The following SIPA1L1 variants were observed in gnomAD, a reference collection of about 807,000 sequenced individuals.
SIPA1L1 encodes the protein signal-induced proliferation-associated 1-like protein 1.
A neutral mutation model predicts 162.7 loss-of-function variants in SIPA1L1; 26 were observed. The ratio of observed to expected loss-of-function variants is 0.16; its 90% CI spans 0.12 to 0.22. The LOEUF (loss-of-function observed/expected upper bound fraction) is 0.22. Ranked by LOEUF, SIPA1L1 falls within the 10% of genes least tolerant of loss-of-function variation. The pLI is 1.00. For synonymous variants in SIPA1L1, 829 were observed against 837.4 expected (o/e 0.99, Z 0.17); for missense variants, 1,874 against 2,241.0 (o/e 0.84, Z 3.31).
intron 17 of SIPA1L1, among the ~76,000 whole-genome samples, chr14:71,718,220 T>C (rs539088146): frequency 6.6e-6 from 1 of 152,212 alleles, no homozygotes; most frequent in Non-Finnish European, 1.5e-5. Flanking sequence ...ACAGGCCCAC[T>C]GAATTAGAGG....
chr14:71,375,135 C>G (rs7493151), intron 2 of SIPA1L1, among the ~76,000 whole-genome samples: 3 of 152,082 alleles, frequency 2.0e-5, no homozygotes, highest in African/African-American at 7.2e-5. Flanking sequence ...CTGTCTCTTT[C>G]GGGGTTCTGT....
chr14:71,735,695 G>A (rs2085223353), intron 22 of SIPA1L1: 1 of 258,882 alleles, frequency 3.9e-6, no homozygotes, highest in African/African-American at 2.2e-5. Context: ...AAGTATTCCT[G>A]TGCTCTGTGC....
chr14:71,524,773 G>C (rs899413972), intron 3 of SIPA1L1, among the ~76,000 whole-genome samples: 1 of 152,012 alleles, frequency 6.6e-6, no homozygotes, highest in Non-Finnish European at 1.5e-5. Flanking sequence ...GCTTGTCCTT[G>C]TACGTCACAC....
intron 2 of SIPA1L1, among the ~76,000 whole-genome samples, chr14:71,344,011 C>T (rs965745324): frequency 6.6e-6 from 1 of 152,128 alleles, no homozygotes; most frequent in Non-Finnish European, 1.5e-5. Flanking sequence ...TGCGTGTCCA[C>T]GGTTTAAGGT....
chr14:71,478,650 A>AATTGGTTAT (rs1212302141), intron 2 of SIPA1L1, among the ~76,000 whole-genome samples: 13 of 152,152 alleles, frequency 8.5e-5, no homozygotes, highest in Admixed American at 7.9e-4. Context: ...ACCAAGAATC[A>AATTGGTTAT]ATTGGTTATA....
chr14:71,618,294 C>T (rs1047847252), intron 5 of SIPA1L1, among the ~76,000 whole-genome samples: 4 of 152,220 alleles, frequency 2.6e-5, no homozygotes, highest in Admixed American at 1.3e-4. Context: ...ACTCGCAGCA[C>T]ACATCTCTCT....
At chr14:71,688,821 T>TA (rs1193013571) in intron 13 of SIPA1L1, among the ~76,000 whole-genome samples, 5 of 152,224 alleles carry the variant, frequency 3.3e-5, no homozygotes, top group Non-Finnish European at 7.3e-5. Flanking sequence ...TGGTGTGGCG[T>TA]AATATTGTGA....
chr14:71,367,481 G>T (rs1389350078), intron 2 of SIPA1L1, among the ~76,000 whole-genome samples: 3 of 150,574 alleles, frequency 2.0e-5, no homozygotes, highest in African/African-American at 7.3e-5. Context: ...TAATTTTTTT[G>T]TATTTTTTAC....
At chr14:71,409,518 A>AG (rs2042258915) in intron 2 of SIPA1L1, among the ~76,000 whole-genome samples, 1 of 152,208 alleles carries the variant, frequency 6.6e-6, no homozygotes, top group Non-Finnish European at 1.5e-5. Flanking sequence ...GGGAAGGGAA[A>AG]GGTGAAAACT....
intron 4 of SIPA1L1, among the ~76,000 whole-genome samples, chr14:71,541,821 C>G (rs898667824): frequency 5.3e-5 from 8 of 152,138 alleles, no homozygotes; most frequent in African/African-American, 1.9e-4. Flanking sequence ...ATGCATACAT[C>G]ATTCAAAACA....
chr14:71,527,298 C>A (rs1467859391), intron 3 of SIPA1L1, among the ~76,000 whole-genome samples: 5 of 152,118 alleles, frequency 3.3e-5, no homozygotes, highest in Non-Finnish European at 7.3e-5. Context: ...TAGGCGCACA[C>A]CACCATGCCT....
At chr14:71,558,004 A>C (rs1023515760) in intron 4 of SIPA1L1, among the ~76,000 whole-genome samples, 1 of 152,154 alleles carries the variant, frequency 6.6e-6, no homozygotes, top group Non-Finnish European at 1.5e-5. Flanking sequence ...TACACCAAAA[A>C]CTCACTTTTA....
chr14:71,632,128 G>A (rs778557819), intron 7 of SIPA1L1, among the ~76,000 whole-genome samples: 2 of 152,162 alleles, frequency 1.3e-5, no homozygotes, highest in Non-Finnish European at 2.9e-5. Context: ...ATTTCTCTGC[G>A]TTCTTCCTGC....
intron 2 of SIPA1L1, among the ~76,000 whole-genome samples, chr14:71,341,702 T>A (rs2035672332): frequency 6.6e-6 from 1 of 152,192 alleles, no homozygotes; most frequent in Non-Finnish European, 1.5e-5. Context: ...GCCATTCTTA[T>A]GTCCGTGAGT....
intron 2 of SIPA1L1, 78 bp downstream of exon 2, chr14:71,321,259 CGGGGTT>C (rs2032860716): frequency 6.6e-6 from 1 of 152,166 alleles, no homozygotes; most frequent in Non-Finnish European, 1.5e-5. Context: ...TGTTTCTGGC[CGGGGTT>C]GGGGTCCAGG....
At chr14:71,663,913 A>T (rs1223330891) in intron 10 of SIPA1L1, among the ~76,000 whole-genome samples, 2 of 152,212 alleles carry the variant, frequency 1.3e-5, no homozygotes, top group African/African-American at 4.8e-5. Flanking sequence ...ATTAGTTTGT[A>T]ACATCACTGA....
At chr14:71,570,270 T>C (rs1273056414) in intron 4 of SIPA1L1, among the ~76,000 whole-genome samples, 1 of 151,454 alleles carries the variant, frequency 6.6e-6, no homozygotes, top group East Asian at 1.9e-4. Flanking sequence ...TCTTTATTTA[T>C]TTATTTATTT....
At chr14:71,436,788 A>G (rs868732828) in intron 2 of SIPA1L1, among the ~76,000 whole-genome samples, 26 of 138,598 alleles carry the variant, frequency 1.9e-4, no homozygotes, top group African/African-American at 5.4e-4. Flanking sequence ...TTTTTGAGAC[A>G]GAGTCTCACT....
At chr14:71,658,473 G>T (rs1475439715) in intron 9 of SIPA1L1, 37 bp downstream of exon 9, 1 of 1,316,230 alleles carries the variant, frequency 7.6e-7, no homozygotes, top group African/African-American at 1.5e-5. Flanking sequence ...TTTCACCCTT[G>T]TTTCATTTCC....
Sources: gnomAD v4.1 joint callset for allele counts (sites outside exome capture counted in the v4.1 genomes callset) on GRCh38, gnomAD v4.1.1 for gene constraint, MANE v1.5 for transcripts, NCBI Gene and HGNC (gene_info 2026-07-23, HGNC 2026-07-21) for gene names.